Variants in PPP1CB observed in about 807,000 individuals in gnomAD.
PPP1CB encodes the protein serine/threonine-protein phosphatase PP1-beta catalytic subunit.
PPP1CB carries 2 observed loss-of-function variants against 43.7 expected under a neutral mutation model. The ratio of observed to expected loss-of-function variants is 0.05; its 90% CI spans 0.02 to 0.14. The LOEUF (loss-of-function observed/expected upper bound fraction) is 0.14, where lower values mean the gene tolerates loss of function less well. Ranked by LOEUF, PPP1CB falls within the 10% of genes least tolerant of loss-of-function variation. The pLI is 1.00. For missense variants in PPP1CB, 84 were observed against 398.0 expected (o/e 0.21, Z 6.71); for synonymous variants, 136 against 135.6 (o/e 1.00, Z -0.02).
chr2:28,760,892 A>T (rs1224321864), intron 1 of PPP1CB, among the ~76,000 whole-genome samples: 1 of 152,154 alleles, frequency 6.6e-6, no homozygotes, highest in Non-Finnish European at 1.5e-5. Flanking sequence ...CTAGCGAGAC[A>T]AAAAGACCAG....
At chr2:28,761,726 A>C (rs1482926102) in intron 1 of PPP1CB, among the ~76,000 whole-genome samples, 1 of 152,192 alleles carries the variant, frequency 6.6e-6, no homozygotes, top group Non-Finnish European at 1.5e-5. Flanking sequence ...CCCATTATTC[A>C]GCGTTTATAA....
chr2:28,800,691 T>A lies in PPP1CB; in HGVS notation c.*1388T>A, dbSNP rs1667595938. The A allele has an allele frequency of 6.6e-6, 1 of 152,510 alleles. No homozygotes were observed. The highest frequency in any genetic ancestry group is 1.5e-5 in the Non-Finnish European group (1 of 67,924). The allele number at this position is 152,510 out of a possible 1,614,324, so 9.4% of individuals were successfully genotyped here. A position where few individuals can be genotyped will look rare whatever the true frequency, so the allele number is the denominator to read the frequency against. ...AACTTACAGGACACAGATTTGTGAT[T>A]CTTTGACTGTGACACTATTGGATGT... On this transcript the variant is annotated 3_prime_UTR_variant, in exon 8 of 8. Coordinates refer to ENST00000395366, the MANE Select transcript of PPP1CB (RefSeq NM_002709.3).
chr2:28,789,002 C>T (rs560077544), intron 6 of PPP1CB, among the ~76,000 whole-genome samples, 193 bp downstream of exon 6: 15 of 151,970 alleles, frequency 9.9e-5, no homozygotes, highest in Non-Finnish European at 1.8e-4. Flanking sequence ...GGACGATAGC[C>T]GTGTGCCACC....
chr2:28,799,546 G>A lies in PPP1CB; in HGVS notation c.*243G>A, dbSNP rs1263101903. ...TCCAAATTCAAAATTATCCATTAAA[G>A]TTACATCTTCATGTATCACAATTTT... On this transcript the variant is annotated 3_prime_UTR_variant, in exon 8 of 8. Coordinates refer to ENST00000395366, the MANE Select transcript of PPP1CB (RefSeq NM_002709.3). 2.8e-6 allele frequency: 1 copy of A among 355,410 alleles called. No individual in the cohort carries two copies. The highest frequency in any genetic ancestry group is 5.1e-6 in the Non-Finnish European group (1 of 197,980). The allele number at this position is 355,410 out of a possible 1,614,324, so 22.0% of individuals were successfully genotyped here.
chr2:28,792,100 G>A (rs1008623913), intron 6 of PPP1CB, among the ~76,000 whole-genome samples: 2 of 152,084 alleles, frequency 1.3e-5, no homozygotes, highest in East Asian at 3.9e-4. Flanking sequence ...CAGCATTTTG[G>A]GAGGCTGAGG....
intron 7 of PPP1CB, among the ~76,000 whole-genome samples, chr2:28,796,446 T>G (rs1475379970): frequency 6.6e-6 from 1 of 152,206 alleles, no homozygotes; most frequent in African/African-American, 2.4e-5. Flanking sequence ...TCCATTTGTT[T>G]GCATCACCTC....
intron 5 of PPP1CB, among the ~76,000 whole-genome samples, chr2:28,784,666 C>T (rs150906506): frequency 6.0e-4 from 92 of 152,074 alleles, no homozygotes; most frequent in African/African-American, 2.1e-3. Flanking sequence ...GCCTGTAGTC[C>T]CAGCGCTTTG....
chr2:28,760,919 G>A (rs148179159), intron 1 of PPP1CB, among the ~76,000 whole-genome samples: 1,928 of 152,028 alleles, frequency 0.013, 21 homozygotes, highest in Non-Finnish European at 0.02. Context: ...TCTTTTTTCC[G>A]AGATGGAGTC....
intron 1 of PPP1CB, among the ~76,000 whole-genome samples, chr2:28,766,110 A>C (rs1018678109): frequency 1.3e-5 from 2 of 152,210 alleles, no homozygotes; most frequent in African/African-American, 4.8e-5. Flanking sequence ...AAATTACTAG[A>C]TCTGCCGCAA....
chr2:28,799,398 C>A lies in PPP1CB; in HGVS notation c.*95C>A. 1 of 960,792 alleles carries A rather than the reference C, an allele frequency of 1.0e-6. No individual in the cohort carries two copies. The highest frequency in any genetic ancestry group is 1.6e-6 in the Non-Finnish European group (1 of 634,460). 59.5% of individuals were successfully genotyped at this position (960,792 alleles called of 1,614,324 possible). A position where few individuals can be genotyped will look rare whatever the true frequency, so the allele number is the denominator to read the frequency against. ...GTAAAACCATCCAGCCATTTGACAC[C>A]CTTTATGATGTCACACCTTTAACTT... On this transcript the variant is annotated 3_prime_UTR_variant, in exon 8 of 8. Transcript: ENST00000395366.
At chr2:28,774,110 A>G (rs998901440) in intron 1 of PPP1CB, among the ~76,000 whole-genome samples, 3 of 152,208 alleles carry the variant, frequency 2.0e-5, no homozygotes, top group Non-Finnish European at 4.4e-5. Flanking sequence ...GTTCTGTAAA[A>G]ATGTTACACA....
intron 5 of PPP1CB, among the ~76,000 whole-genome samples, chr2:28,784,500 G>A (rs2148053712): frequency 6.6e-6 from 1 of 152,124 alleles, no homozygotes; most frequent in Admixed American, 6.5e-5. Context: ...CTAGGCTCAA[G>A]CAATCCTCCT....
chr2:28,799,372 T>C lies in PPP1CB; in HGVS notation c.*69T>C, dbSNP rs925825910. ...TACTTCATAATATATAAGTGTGCAC[T>C]GTAAAACCATCCAGCCATTTGACAC... On this transcript the variant is annotated 3_prime_UTR_variant, in exon 8 of 8. Coordinates refer to ENST00000395366, the MANE Select transcript of PPP1CB (RefSeq NM_002709.3). The C allele has an allele frequency of 9.6e-6, 12 of 1,255,892 alleles. No homozygotes were observed. Among genetic ancestry groups the C allele is most frequent in the Middle Eastern group, 1.9e-4 (1 of 5,278 alleles). 77.8% of individuals were successfully genotyped at this position (1,255,892 alleles called of 1,614,324 possible).
intron 1 of PPP1CB, among the ~76,000 whole-genome samples, chr2:28,774,480 C>T (rs1357765675): frequency 2.0e-5 from 3 of 152,122 alleles, no homozygotes; most frequent in African/African-American, 7.2e-5. Context: ...GGCTGGAGTG[C>T]TGTGGTGCGA....
rs10559224 is a variant in PPP1CB, at chr2:28,780,084, C to CTTTTT, written c.415+1062_415+1066dup. On this transcript the variant is annotated intron_variant, in intron 3 of 7. Transcript: ENST00000395366. Reference sequence around the variant, plus strand: ...TTTTCTTTTTTCTTTTCTTTTCTTTCTTTTTTTTTTTTTTTTTTTTTGAGA... The same window carrying CTTTTT: ...TTTTCTTTTTTCTTTTCTTTTCTTTCTTTTTTTTTTTTTTTTTTTTTTTTTTGAGA... Among the ~76,000 whole-genome samples, 652 of 131,822 alleles carry CTTTTT rather than the reference C, an allele frequency of 4.9e-3. 1 individual carries two copies. The highest frequency in any genetic ancestry group is 0.019 in the East Asian group (74 of 3,930). The allele number at this position is 131,822 out of a possible 152,430, so 86.5% of individuals were successfully genotyped here. A position where few individuals can be genotyped will look rare whatever the true frequency, so the allele number is the denominator to read the frequency against.
At chr2:28,783,882 CTA>C in intron 4 of PPP1CB, 23 bp from the exon 5 acceptor site, 1 of 1,561,936 alleles carries the variant, frequency 6.4e-7, no homozygotes, top group Non-Finnish European at 8.8e-7. Flanking sequence ...GCTGTTAGTA[CTA>C]TGTCTCATCT....
At chr2:28,761,818 T>G (rs1666660255) in intron 1 of PPP1CB, among the ~76,000 whole-genome samples, 1 of 152,240 alleles carries the variant, frequency 6.6e-6, no homozygotes, top group African/African-American at 2.4e-5. Context: ...GATTTAACAC[T>G]GTTGTATGCT....
intron 1 of PPP1CB, among the ~76,000 whole-genome samples, chr2:28,771,750 G>A (rs573569885): frequency 2.9e-4 from 44 of 152,250 alleles, no homozygotes; most frequent in African/African-American, 1.1e-3. Flanking sequence ...ATAGAATGAA[G>A]TGGGCTAAAA....
chr2:28,776,517 C>T (rs956463307), intron 1 of PPP1CB, among the ~76,000 whole-genome samples: 27 of 152,252 alleles, frequency 1.8e-4, no homozygotes, highest in African/African-American at 6.3e-4. Context: ...ACCTCAACCT[C>T]CCAAGGTGCT....
Sources: allele counts gnomAD v4.1 joint callset (sites outside exome capture counted in the v4.1 genomes callset), GRCh38; gene constraint gnomAD v4.1.1; transcripts MANE v1.5; gene names NCBI Gene and HGNC (gene_info 2026-07-23, HGNC 2026-07-21).